CHGB: variants seen among roughly 807,000 people sequenced by gnomAD.
The protein encoded by CHGB is secretogranin-1.
In CHGB, 46 loss-of-function variants were observed where a neutral mutation model predicts 69.9. That is an observed-to-expected ratio of 0.66 (90% CI 0.52 to 0.84). The LOEUF is 0.84. Ranked by LOEUF, CHGB falls within the 40% of genes least tolerant of loss-of-function variation. The pLI, the probability that CHGB is intolerant of heterozygous loss-of-function variation, is 0.00. For missense variants in CHGB, 796 were observed against 822.2 expected (o/e 0.97, Z 0.39); for synonymous variants, 312 against 298.2 (o/e 1.05, Z -0.48).
At chr20:5,917,153 A>G (rs2088480698) in intron 3 of CHGB, 2 of 536,130 alleles carry the variant, frequency 3.7e-6, no homozygotes, top group East Asian at 6.4e-5. Context: ...TTTTCCTCAA[A>G]GTAAAATGAA....
In CHGB at chr20:5,925,045, GCTGA is replaced by G. The variant is rs1568552869; in HGVS notation, c.2034_*3del. On this transcript the variant is annotated frameshift_variant and stop_lost, in exon 5 of 5. Coordinates refer to ENST00000378961, the MANE Select transcript of CHGB (RefSeq NM_001819.3). LOFTEE classifies it high-confidence loss of function. ...ATAGCTGAGAAATTCAGCCAAAGGG[GCTGA>G]CTGTCATTGGAGCGGTGGGCACTGT... is the stretch of plus-strand genomic sequence containing the variant. 31 of 1,610,230 alleles carry G rather than the reference GCTGA, an allele frequency of 1.9e-5. No homozygotes were observed. The highest frequency in any genetic ancestry group is 1.7e-4 in the Middle Eastern group (1 of 6,042).
intron 4 of CHGB, 107 bp downstream of exon 4, chr20:5,924,207 C>A: frequency 7.0e-7 from 1 of 1,424,458 alleles, no homozygotes; most frequent in Non-Finnish European, 9.3e-7. Flanking sequence ...GAATTAATCA[C>A]TATGAAAATG....
In CHGB at chr20:5,911,800, T is replaced by C. The variant is rs2088448645; in HGVS notation, c.49+118T>C. 3.1e-6 allele frequency: 3 copies of C among 960,364 alleles called. No homozygotes were observed. In the African/African-American group the frequency reaches 5.2e-5, roughly 17 times the overall value. 59.5% of individuals were successfully genotyped at this position (960,364 alleles called of 1,614,324 possible). ...GAGAGGGAGGGTTGAGGGGAAGGTT[T>C]ACCTCTTGCTTCGTTTCTTCTCCTC... On this transcript the variant is annotated intron_variant, in intron 1 of 4. Transcript: ENST00000378961.
In CHGB at chr20:5,922,856, G is replaced by A; in HGVS notation, c.712G>A (p.Glu238Lys). ...KTHSREKSSQESGEETGSQEN... is the reference protein window; with the variant it reads ...KTHSREKSSQKSGEETGSQEN... The stretch of plus-strand genomic sequence containing the variant: ...ACATAGCCGAGAGAAGAGTAGCCAG[G>A]AGAGTGGAGAGGAGACAGGGAGCCA... The change falls in exon 4 of 5, where the codon GAG becomes AAG. Residue 238 changes from glutamate to lysine, a missense_variant. Physicochemically the swap from Glu to Lys is moderately conservative, Grantham distance 56. Transcript: ENST00000378961. 1 of 1,614,038 alleles carries A rather than the reference G, an allele frequency of 6.2e-7. No individual in the cohort carries two copies. Among genetic ancestry groups the A allele is most frequent in the African/African-American group, 1.3e-5 (1 of 75,034 alleles).
At chr20:5,913,409 A>G (rs568321877) in intron 1 of CHGB, among the ~76,000 whole-genome samples, 2 of 152,282 alleles carry the variant, frequency 1.3e-5, no homozygotes, top group African/African-American at 4.8e-5. Flanking sequence ...TTAGACTTCA[A>G]GTAGAGCTGG....
At position 5,922,687 on chromosome 20, in the gene CHGB, T is replaced by G. The variant is rs531437204; in HGVS notation, c.543T>G (p.Asp181Glu). The G allele has an allele frequency of 6.2e-7, 1 of 1,613,812 alleles. No individual in the cohort carries two copies. Among genetic ancestry groups the G allele is most frequent in the Non-Finnish European group, 8.5e-7 (1 of 1,179,852 alleles). ...ENYQKGERGE[D>E]SSEEKHLEEP... ...ATCAAAAAGGGGAGCGAGGGGAAGA[T>G]AGCAGTGAAGAGAAACACCTTGAAG... is the stretch of plus-strand genomic sequence containing the variant. Residue 181 changes from aspartate to glutamate, a missense_variant, in exon 4 of 5, where the codon GAT (aspartate) becomes GAG (glutamate). This residue lies in a region of CHGB where 518 missense variants were observed against 506.3 expected (regional missense o/e 1.02). Coordinates refer to ENST00000378961, the MANE Select transcript of CHGB (RefSeq NM_001819.3).
At chr20:5,916,735 A>G in intron 2 of CHGB, 91 bp from the exon 3 acceptor site, 1 of 1,154,854 alleles carries the variant, frequency 8.7e-7, no homozygotes, top group East Asian at 2.3e-5. Context: ...CAGGTCACGT[A>G]ATCAAGTCTT....
chr20:5,913,675 G>C (rs1379375983), intron 1 of CHGB, among the ~76,000 whole-genome samples: 1 of 142,236 alleles, frequency 7.0e-6, no homozygotes, highest in Non-Finnish European at 1.5e-5. Flanking sequence ...TGTTGGCCAG[G>C]CTGGAGTGCG....
At position 5,911,536 on chromosome 20, in the gene CHGB, G is replaced by T. The variant is rs1236748585; in HGVS notation, c.-98G>T. 1 of 1,322,766 alleles carries T rather than the reference G, an allele frequency of 7.6e-7. No homozygotes were observed. Among genetic ancestry groups the T allele is most frequent in the South Asian group, 1.3e-5 (1 of 78,012 alleles). 81.9% of individuals were successfully genotyped at this position (1,322,766 alleles called of 1,614,324 possible). A position where few individuals can be genotyped will look rare whatever the true frequency, so the allele number is the denominator to read the frequency against. ...CACCGCGGGGACCAGGAGGCACGCT[G>T]GTTTTCCGGGGCCGCTCCATCGCGC... On this transcript the variant is annotated 5_prime_UTR_variant, in exon 1 of 5. Coordinates refer to ENST00000378961, the MANE Select transcript of CHGB (RefSeq NM_001819.3).
At chr20:5,921,193 T>G (rs112415655) in intron 3 of CHGB, among the ~76,000 whole-genome samples, 2,384 of 152,324 alleles carry the variant, frequency 0.016, 27 homozygotes, top group Middle Eastern at 0.024. Flanking sequence ...AAATATTATT[T>G]CAACATATAA....
At chr20:5,924,323 C>T (rs531965145) in intron 4 of CHGB, among the ~76,000 whole-genome samples, 6 of 152,182 alleles carry the variant, frequency 3.9e-5, no homozygotes, top group Non-Finnish European at 8.8e-5. Context: ...GCTTCTCAAC[C>T]TTGTCTGCAC....
chr20:5,911,607 T>C lies in CHGB; in HGVS notation c.-27T>C. Reference sequence around the variant, plus strand: ...CTCCGGTCCAGCCGCCATCTTCCTTTCCGCACAGGGGCCGCCGAGCGGGGC... The same window carrying C: ...CTCCGGTCCAGCCGCCATCTTCCTTCCCGCACAGGGGCCGCCGAGCGGGGC... On this transcript the variant is annotated 5_prime_UTR_variant, in exon 1 of 5. Coordinates refer to ENST00000378961, the MANE Select transcript of CHGB (RefSeq NM_001819.3). The C allele has an allele frequency of 6.6e-7, 1 of 1,519,312 alleles. No individual in the cohort carries two copies. The highest frequency in any genetic ancestry group is 8.8e-7 in the Non-Finnish European group (1 of 1,139,012). The allele number at this position is 1,519,312 out of a possible 1,614,324, so 94.1% of individuals were successfully genotyped here.
At chr20:5,914,703 A>G (rs2088465853) in intron 1 of CHGB, 1 of 152,210 alleles carries the variant, frequency 6.6e-6, no homozygotes, top group Admixed American at 6.5e-5. Context: ...CATTTGGAGG[A>G]TGAAAGAACA....
At chr20:5,916,760 C>G in intron 2 of CHGB, 66 bp from the exon 3 acceptor site, 3 of 1,443,770 alleles carry the variant, frequency 2.1e-6, no homozygotes, top group South Asian at 1.1e-5. Flanking sequence ...GACAGCAGCT[C>G]TGGGTTGAGT....
At chr20:5,916,093 G>A (rs2088473866) in intron 1 of CHGB, 2 of 559,480 alleles carry the variant, frequency 3.6e-6, no homozygotes, top group East Asian at 6.0e-5. Context: ...GCACACCTGT[G>A]TAACCAGCAC....
At chr20:5,913,642 T>G (rs1212269730) in intron 1 of CHGB, among the ~76,000 whole-genome samples, 2 of 147,348 alleles carry the variant, frequency 1.4e-5, no homozygotes, top group Non-Finnish European at 3.0e-5. Flanking sequence ...TTTTTTTTTT[T>G]TTTTTGAGAC....
rs770855177 is a variant in CHGB at position 5,922,371 on chromosome 20, A to C, written c.227A>C (p.Asn76Thr). 6.4e-7 allele frequency: 1 copy of C among 1,567,160 alleles called. No individual in the cohort carries two copies. Among genetic ancestry groups the C allele is most frequent in the South Asian group, 1.2e-5 (1 of 86,580 alleles). Residue 76 changes from asparagine to threonine, a missense_variant, in exon 4 of 5, where the codon AAT becomes ACT. This residue lies in a region of CHGB where 518 missense variants were observed against 506.3 expected (regional missense o/e 1.02). Coordinates refer to ENST00000378961, the MANE Select transcript of CHGB (RefSeq NM_001819.3). ...GTCAAAGACAAAGAGACAACTGAAA[A>C]TGAAAACACAAAGTTTGAAGTAAGA... ...KDVKDKETTE[N>T]ENTKFEVRLL... is the part of the protein sequence containing the mutation.
intron 3 of CHGB, among the ~76,000 whole-genome samples, chr20:5,920,354 T>C (rs1012816030): frequency 6.6e-6 from 1 of 152,222 alleles, no homozygotes; most frequent in Non-Finnish European, 1.5e-5. Flanking sequence ...TCAGTATCTG[T>C]CTGTCTTAGT....
At position 5,922,968 on chromosome 20, in the gene CHGB, A is replaced by G. The variant is rs760995504; in HGVS notation, c.824A>G (p.Asp275Gly). 7.5e-6 allele frequency: 12 copies of G among 1,610,174 alleles called. No homozygotes were observed. In the Admixed American group the frequency reaches 2.0e-4, roughly 27 times the overall value. ...GAGGAAGATGCCACCTCTGAGGTGG[A>G]CAAACGACGCACGAGGCCCAGACAC... The part of the protein sequence containing the change: ...EGEEDATSEV[D>G]KRRTRPRHHH... Residue 275 changes from aspartate (D) to glycine (G), a missense_variant, in exon 4 of 5, where the codon GAC becomes GGC. Around this residue, in one of 3 missense-constraint regions of CHGB, gnomAD observed 518 missense variants for 506.3 expected, o/e 1.02. Transcript: ENST00000378961.
Sources: allele counts gnomAD v4.1 joint callset (sites outside exome capture counted in the v4.1 genomes callset), GRCh38; gene constraint gnomAD v4.1.1; regional missense constraint gnomAD v4.1.1; transcripts MANE v1.5; gene names NCBI Gene and HGNC (gene_info 2026-07-23, HGNC 2026-07-21).